Variants in ITGB2 observed in about 807,000 individuals in gnomAD.
The protein encoded by ITGB2 is integrin beta-2.
A neutral mutation model predicts 86.8 loss-of-function variants in ITGB2; 56 were observed. The ratio of observed to expected loss-of-function variants is 0.65; its 90% CI spans 0.52 to 0.81. The LOEUF is 0.81. Among genes scored for constraint, ITGB2 ranks in the 30% least tolerant of loss-of-function variants. The pLI is 0.00. For synonymous variants in ITGB2, 457 were observed against 450.4 expected (o/e 1.01, Z -0.19); for missense variants, 948 against 1,061.2 (o/e 0.89, Z 1.48).
At chr21:44,893,873 G>A (rs1170013323) in intron 9 of ITGB2, 3 of 368,100 alleles carry the variant, frequency 8.1e-6, no homozygotes, top group Non-Finnish European at 1.6e-5. Flanking sequence ...CGATAAGAGA[G>A]ATGGGGAGAA....
At chr21:44,901,258 T>C (rs2083952447) in intron 6 of ITGB2, among the ~76,000 whole-genome samples, 1 of 152,196 alleles carries the variant, frequency 6.6e-6, no homozygotes, top group Admixed American at 6.5e-5. Context: ...CAAATTTAAC[T>C]CACAGCAAAC....
upstream of ITGB2, among the ~76,000 whole-genome samples, chr21:44,923,585 TAG>T (rs1568914542): frequency 1.3e-5 from 2 of 152,264 alleles, no homozygotes; most frequent in East Asian, 3.9e-4. Flanking sequence ...TCTACTTCTG[TAG>T]ATGTGTGAAA....
At chr21:44,903,286 G>C in intron 5 of ITGB2, 79 bp downstream of exon 5, 1 of 1,560,910 alleles carries the variant, frequency 6.4e-7, no homozygotes, top group Non-Finnish European at 8.8e-7. Context: ...CTGAGTGCGA[G>C]GAGTTGTGTG....
chr21:44,905,395 C>A (rs1050453857), intron 4 of ITGB2, among the ~76,000 whole-genome samples: 53 of 152,152 alleles, frequency 3.5e-4, no homozygotes, highest in African/African-American at 1.2e-3. Context: ...GGATGCATGC[C>A]AGGCCGTGGG....
chr21:44,896,813 G>A (rs372951784), intron 8 of ITGB2, among the ~76,000 whole-genome samples: 1 of 152,232 alleles, frequency 6.6e-6, no homozygotes, highest in Admixed American at 6.5e-5. Flanking sequence ...GAAGGCTTGT[G>A]TGCCCCAAGG....
intron 1 of ITGB2, among the ~76,000 whole-genome samples, chr21:44,918,282 C>T (rs34787599): frequency 0.32 from 49,304 of 152,168 alleles, 8,287 homozygotes; most frequent in Middle Eastern, 0.44. Context: ...ACACAGGACA[C>T]GAGTGCAGCA....
chr21:44,913,927 C>T (rs984299444), intron 1 of ITGB2, among the ~76,000 whole-genome samples: 10 of 152,194 alleles, frequency 6.6e-5, no homozygotes, highest in African/African-American at 2.4e-4. Flanking sequence ...GCCACTGTCA[C>T]CTCTGGTGCC....
chr21:44,907,036 G>GCAC lies in ITGB2; in HGVS notation c.206_207insGTG (p.Leu69_Met70insCys). The GCAC allele has an allele frequency of 2.5e-6, 4 of 1,613,604 alleles. No individual in the cohort carries two copies. Among genetic ancestry groups the GCAC allele is most frequent in the Non-Finnish European group, 3.4e-6 (4 of 1,179,576 alleles). ...TGTCGTCAGCCGCACAGCCCCTCAT[G>GCAC]AGCAGCTGTGGCCGGGTGTCGCAGC... On this transcript the variant is annotated inframe_insertion, in exon 4 of 16. Coordinates refer to ENST00000652462, the MANE Select transcript of ITGB2 (RefSeq NM_000211.5).
chr21:44,898,530 T>TGACGCACTGACCTGCTC (rs1397782297), intron 8 of ITGB2, among the ~76,000 whole-genome samples: 2 of 152,192 alleles, frequency 1.3e-5, no homozygotes, highest in Non-Finnish European at 2.9e-5. Flanking sequence ...CTGAGCGTCT[T>TGACGCACTGACCTGCTC]GACGCACTGA....
At chr21:44,905,736 C>T (rs773064324) in intron 4 of ITGB2, among the ~76,000 whole-genome samples, 16 of 152,122 alleles carry the variant, frequency 1.1e-4, no homozygotes, top group Non-Finnish European at 2.1e-4. Flanking sequence ...CCCTGCTGCC[C>T]CCAGGGACAC....
intron 1 of ITGB2, among the ~76,000 whole-genome samples, chr21:44,918,583 G>C (rs1362579968): frequency 6.6e-6 from 1 of 152,216 alleles, no homozygotes; most frequent in African/African-American, 2.4e-5. Context: ...CTTCCAGACA[G>C]GGTGCAGATA....
chr21:44,900,827 G>A lies in ITGB2; in HGVS notation c.742-352C>T, dbSNP rs112240820. On this transcript the variant is annotated intron_variant, in intron 6 of 15. Coordinates refer to ENST00000652462, the MANE Select transcript of ITGB2 (RefSeq NM_000211.5). The stretch of plus-strand genomic sequence containing the variant: ...CAGACGTGTGGGCCACACGCAGAAC[G>A]AGTGCAACATGGAGGAAAACGAGCC... 1.6e-3 allele frequency among the ~76,000 whole-genome samples: 248 copies of A among 152,340 alleles called. 1 individual carries two copies. The highest frequency in any genetic ancestry group is 5.0e-3 in the South Asian group (24 of 4,832).
chr21:44,903,338 T>G (rs1601309893), intron 5 of ITGB2, 27 bp downstream of exon 5: 2 of 1,613,314 alleles, frequency 1.2e-6, no homozygotes, highest in Non-Finnish European at 1.7e-6. Flanking sequence ...AAGGACTGGG[T>G]TTTGTCCTGC....
chr21:44,891,798 G>A lies in ITGB2; in HGVS notation c.1412+11C>T, dbSNP rs752126307. The A allele has an allele frequency of 5.0e-6, 8 of 1,601,518 alleles. No homozygotes were observed. The highest frequency in any genetic ancestry group is 1.1e-5 in the South Asian group (1 of 91,060). On this transcript the variant is annotated intron_variant, in intron 11 of 15. Transcript: ENST00000652462. ...CGGGGATGGTTCAACAGGGACCTGC[G>A]CCCGCCTCACCTGCAGATGCCGCAC...
intron 1 of ITGB2, among the ~76,000 whole-genome samples, chr21:44,912,788 GGTGC>G (rs1281440959): frequency 1.8e-5 from 2 of 109,958 alleles, no homozygotes; most frequent in Non-Finnish European, 4.2e-5. Flanking sequence ...GCTACCCCAG[GGTGC>G]AGGGTCCAGC....
rs137852616 is a variant in ITGB2 at position 44,900,367 on chromosome 21, C to T, written c.850G>A (p.Gly284Ser). ...AAGTTGTCCTCCAGGTGACAGCGGCCGTCGTTGGGGGTCAGGATGGCGCCC... is the reference window on the plus strand; with the variant it reads ...AAGTTGTCCTCCAGGTGACAGCGGCTGTCGTTGGGGGTCAGGATGGCGCCC... ...KLGAILTPND[G>S]RCHLEDNLYK... Residue 284 changes from glycine to serine, a missense_variant, in exon 7 of 16, where the codon GGC (glycine) becomes AGC (serine). Gly to Ser is a moderately conservative substitution (Grantham distance 56). Transcript: ENST00000652462. 1.1e-4 allele frequency: 184 copies of T among 1,614,048 alleles called. No individual in the cohort carries two copies. The highest frequency in any genetic ancestry group is 1.5e-4 in the Non-Finnish European group (173 of 1,180,016).
At chr21:44,928,654 CCTAA>C (rs71199645) in exon 1 of ITGB2, 40,390 of 160,134 alleles carry the variant, frequency 0.25, 5,329 homozygotes, top group Admixed American at 0.3. Context: ...TGCCTCTTAC[CCTAA>C]CTGAGGCTCT....
chr21:44,920,485 C>G (rs867941232), intron 1 of ITGB2, among the ~76,000 whole-genome samples: 1 of 152,174 alleles, frequency 6.6e-6, no homozygotes, highest in Non-Finnish European at 1.5e-5. Flanking sequence ...CTGCCCAGCC[C>G]GGAGCACCAG....
upstream of ITGB2, among the ~76,000 whole-genome samples, chr21:44,923,321 A>G (rs1216702304): frequency 6.6e-6 from 1 of 152,194 alleles, no homozygotes; most frequent in Non-Finnish European, 1.5e-5. Flanking sequence ...CATGGACCAT[A>G]TTTTAAAATC....
Sources: gnomAD v4.1 joint callset for allele counts (sites outside exome capture counted in the v4.1 genomes callset) on GRCh38, gnomAD v4.1.1 for gene constraint, MANE v1.5 for transcripts, NCBI Gene and HGNC (gene_info 2026-07-23, HGNC 2026-07-21) for gene names.